The following MTERF4 variants were observed in gnomAD, a reference collection of about 807,000 sequenced individuals.
MTERF4 encodes the protein mitochondrial transcription termination factor 4, also known as transcription termination factor 4, mitochondrial.
Under a neutral mutation model 22.5 loss-of-function variants are expected in MTERF4, and 17 were observed. That is an observed-to-expected ratio of 0.75 (90% CI 0.52 to 1.13). The LOEUF (loss-of-function observed/expected upper bound fraction) is 1.13. MTERF4 is among the 50% of genes most tolerant of loss of function. MTERF4 has a pLI of 0.00. For missense variants in MTERF4, 420 were observed against 466.8 expected, an observed-to-expected ratio of 0.90 and a Z score of 0.92; for synonymous variants, 165 against 175.3, an observed-to-expected ratio of 0.94 and a Z score of 0.47.
chr2:241,081,697 G>A lies in MTERF4; in HGVS notation n.480-6015C>T. On this transcript the variant is annotated intron_variant and non_coding_transcript_variant, in intron 4 of 4. Transcript: ENST00000464344. ...TCCAGACGTCCCTGGCAACTGTTCA[G>A]AAAACCCCTGTCAGAACGGAGGCAC... is the stretch of plus-strand genomic sequence containing the variant. 6.2e-7 allele frequency: 1 copy of A among 1,607,424 alleles called. No homozygotes were observed. Among genetic ancestry groups the A allele is most frequent in the Non-Finnish European group, 8.5e-7 (1 of 1,176,970 alleles).
chr2:241,093,449 T>A (rs1430202289), downstream of MTERF4: 165 of 140,284 alleles, frequency 1.2e-3, no homozygotes, highest in Non-Finnish European at 1.6e-3. Context: ...GCTCCAGTGT[T>A]AGCTTAGAAG....
chr2:241,073,423 G>C lies in MTERF4; in HGVS notation n.2739C>G, dbSNP rs1475516605. 2.1e-6 allele frequency: 3 copies of C among 1,410,778 alleles called. No individual in the cohort carries two copies. Among genetic ancestry groups the C allele is most frequent in the Non-Finnish European group, 2.9e-6 (3 of 1,019,276 alleles). The allele number at this position is 1,410,778 out of a possible 1,614,324, so 87.4% of individuals were successfully genotyped here. A position where few individuals can be genotyped will look rare whatever the true frequency, so the allele number is the denominator to read the frequency against. Reference sequence around the variant, plus strand: ...TGACTGACTGCTCTCAGGGGCCTTAGAGGCTGCAGGCAGGAGGGACCACCC... The same window carrying C: ...TGACTGACTGCTCTCAGGGGCCTTACAGGCTGCAGGCAGGAGGGACCACCC... On this transcript the variant is annotated non_coding_transcript_exon_variant, in exon 5 of 5. Coordinates refer to the MTERF4 transcript ENST00000464344. The surrounding 1 kb of genome is among the most constrained non-coding windows in gnomAD (Gnocchi z 6.6).
rs2063347440 is a variant in MTERF4 at position 241,081,928 on chromosome 2, G to C, written n.480-6246C>G. On this transcript the variant is annotated intron_variant and non_coding_transcript_variant, in intron 4 of 4. Coordinates refer to the MTERF4 transcript ENST00000464344. ...GCCAGACAGGGAGTCTGGTGCACGG[G>C]GCTGACCCCTGAGCCCCCAGGGGCT... 4 of 693,500 alleles carry C rather than the reference G, an allele frequency of 5.8e-6. No homozygotes were observed. The Admixed American group carries it at 7.1e-5, about 12-fold the overall frequency. 43.0% of individuals were successfully genotyped at this position (693,500 alleles called of 1,614,324 possible). A position where few individuals can be genotyped will look rare whatever the true frequency, so the allele number is the denominator to read the frequency against.
At chr2:241,065,682 T>G in the MTERF4 span, 1 of 1,155,716 alleles carries the variant, frequency 8.7e-7, no homozygotes, top group Non-Finnish European at 1.2e-6. Flanking sequence ...GCGGCTGTCA[T>G]GCCGTCCACC....
the MTERF4 span, among the ~76,000 whole-genome samples, chr2:241,044,886 T>C: frequency 6.6e-6 from 1 of 152,158 alleles, no homozygotes; most frequent in East Asian, 1.9e-4. Flanking sequence ...AGCCGCAGCG[T>C]TTTTGCCAGA....
At chr2:241,062,064 A>G in the MTERF4 span, among the ~76,000 whole-genome samples, 1 of 152,208 alleles carries the variant, frequency 6.6e-6, no homozygotes, top group African/African-American at 2.4e-5. Context: ...ATGATGTACT[A>G]TGAATAAAGT....
the MTERF4 span, among the ~76,000 whole-genome samples, chr2:241,059,086 C>T: frequency 1.3e-5 from 2 of 152,180 alleles, no homozygotes; most frequent in East Asian, 1.9e-4. Context: ...ATTAAAGATC[C>T]TGCCAGTACT....
chr2:241,087,194 CAATA>C (rs374367773), downstream of MTERF4: 921 of 573,258 alleles, frequency 1.6e-3, 11 homozygotes, highest in South Asian at 0.018. Flanking sequence ...TACTGTACCA[CAATA>C]AATTTATTAC....
chr2:241,060,582 G>A, the MTERF4 span, among the ~76,000 whole-genome samples: 1 of 152,022 alleles, frequency 6.6e-6, no homozygotes, highest in South Asian at 2.1e-4. Flanking sequence ...ATATTATATT[G>A]GTTCTCTATT....
At chr2:241,064,185 C>T in the MTERF4 span, 73 of 1,198,610 alleles carry the variant, frequency 6.1e-5, no homozygotes, top group Non-Finnish European at 7.1e-5. This position sits in a 1 kb window ranked among gnomAD's most constrained non-coding sequence, Gnocchi z 7.0. Flanking sequence ...GCCCTCTGCC[C>T]GCCTGCTGCC....
At chr2:241,088,485 G>A, downstream of MTERF4, 4 of 1,099,444 alleles carry the variant, frequency 3.6e-6, no homozygotes, top group South Asian at 1.2e-5. Context: ...ATCTCAGAGT[G>A]CCGCTGCCTG....
chr2:241,060,839 G>A, the MTERF4 span, among the ~76,000 whole-genome samples: 1 of 152,002 alleles, frequency 6.6e-6, no homozygotes, highest in Admixed American at 6.6e-5. Context: ...GCTAGGGTGG[G>A]AAGATCACTT....
intron 4 of MTERF4, chr2:241,081,881 G>C: frequency 2.0e-6 from 2 of 1,008,216 alleles, no homozygotes. Context: ...GGTTTGCCAC[G>C]GGAGCCTCCA....
downstream of MTERF4, among the ~76,000 whole-genome samples, chr2:241,086,498 C>A (rs2063582178): frequency 1.3e-5 from 2 of 152,248 alleles, no homozygotes; most frequent in South Asian, 4.1e-4. Flanking sequence ...GAATTCCAGG[C>A]TGACCACAGG....
At chr2:241,086,334 G>C (rs1157196775), downstream of MTERF4, among the ~76,000 whole-genome samples, 1 of 149,048 alleles carries the variant, frequency 6.7e-6, no homozygotes, top group Non-Finnish European at 1.5e-5. Flanking sequence ...AGATTCTGGA[G>C]TTCCTCCTCT....
the MTERF4 span, among the ~76,000 whole-genome samples, chr2:241,059,214 T>C: frequency 2.9e-4 from 44 of 152,198 alleles, no homozygotes; most frequent in Non-Finnish European, 5.9e-5. Context: ...AGAAAACATA[T>C]ACAGCCTTAT....
In MTERF4 at chr2:241,095,705, T is replaced by C. The variant is rs368604026; in HGVS notation, c.*293A>G. On this transcript the variant is annotated 3_prime_UTR_variant, in exon 4 of 4. Transcript: ENST00000391980. ...TCAAAAGAGAAAAAAATAAAACCAA[T>C]TGTTGATATATTGAGTCCCCTTGAT... 2.7e-5 allele frequency: 10 copies of C among 364,468 alleles called. No homozygotes were observed. In the South Asian group the frequency reaches 4.3e-4, roughly 16 times the overall value. The allele number at this position is 364,468 out of a possible 1,614,324, so 22.6% of individuals were successfully genotyped here. A position where few individuals can be genotyped will look rare whatever the true frequency, so the allele number is the denominator to read the frequency against.
Position 241,098,669 on chromosome 2 carries a change from T to C in MTERF4, c.520+727A>G, listed in dbSNP as rs141995367. Among the ~76,000 whole-genome samples, 5 of 152,378 alleles carry C rather than the reference T, an allele frequency of 3.3e-5. No individual in the cohort carries two copies. The East Asian group carries it at 7.7e-4, about 23-fold the overall frequency. On this transcript the variant is annotated intron_variant, in intron 2 of 3. Transcript: ENST00000391980. ...AACACTCGACTAGAATCTAAGTCTT[T>C]ACAAGAGATGTTGGTTTGACATCAC...
downstream of MTERF4, chr2:241,087,406 A>T: frequency 6.2e-7 from 1 of 1,600,736 alleles, no homozygotes. Context: ...AAAAGAGTCT[A>T]CCGAGTTCAC....
Sources: gnomAD v4.1 joint callset for allele counts (sites outside exome capture counted in the v4.1 genomes callset) on GRCh38, gnomAD v4.1.1 for gene constraint, Gnocchi (gnomAD v3.1) non-coding constraint, MANE v1.5 for transcripts, NCBI Gene and HGNC (gene_info 2026-07-23, HGNC 2026-07-21) for gene names.